NRF1: variants seen among roughly 807,000 people sequenced by gnomAD.
NRF1 encodes the protein alpha palindromic-binding protein.
A neutral mutation model predicts 58.5 loss-of-function variants in NRF1; 5 were observed. That is an observed-to-expected ratio of 0.09 (90% CI 0.04 to 0.18). The LOEUF (loss-of-function observed/expected upper bound fraction) is 0.18, where lower values mean the gene tolerates loss of function less well. NRF1 is among the 10% of genes least tolerant of loss of function. NRF1 has a pLI of 1.00. For missense variants in NRF1, 288 were observed against 657.7 expected, an observed-to-expected ratio of 0.44 and a Z score of 6.15; for synonymous variants, 224 against 246.7, an observed-to-expected ratio of 0.91 and a Z score of 0.86.
At chr7:129,681,503 C>G (rs1434882810) in intron 4 of NRF1, among the ~76,000 whole-genome samples, 6 of 151,998 alleles carry the variant, frequency 3.9e-5, no homozygotes, top group African/African-American at 1.4e-4. Flanking sequence ...TCAGACAAAG[C>G]CTAATTGTCA....
chr7:129,617,688 CAA>C (rs746121349), intron 1 of NRF1, among the ~76,000 whole-genome samples: 17 of 152,150 alleles, frequency 1.1e-4, no homozygotes, highest in Middle Eastern at 3.4e-3. Context: ...ATAGAGCAAA[CAA>C]AGAGTGGTGT....
At chr7:129,643,197 A>G (rs921277649) in intron 1 of NRF1, among the ~76,000 whole-genome samples, 2 of 152,166 alleles carry the variant, frequency 1.3e-5, no homozygotes, top group Non-Finnish European at 2.9e-5. Flanking sequence ...TAGTTCAGTT[A>G]TTTCAGAAGA....
chr7:129,719,160 T>G (rs907008606), intron 9 of NRF1, among the ~76,000 whole-genome samples: 10 of 152,044 alleles, frequency 6.6e-5, no homozygotes, highest in African/African-American at 2.4e-4. Flanking sequence ...GAAACGGATT[T>G]TCACTCTTGT....
intron 5 of NRF1, 63 bp from the exon 6 acceptor site, chr7:129,709,012 G>T: frequency 1.6e-6 from 2 of 1,268,876 alleles, no homozygotes; most frequent in South Asian, 2.7e-5. Context: ...TAGAATTTAA[G>T]GAGTCATAAA....
chr7:129,710,669 T>C, intron 7 of NRF1, 98 bp downstream of exon 7: 1 of 718,628 alleles, frequency 1.4e-6, no homozygotes, highest in Non-Finnish European at 2.5e-6. Flanking sequence ...CGAACTCTTG[T>C]ATGAACTTTA....
intron 1 of NRF1, among the ~76,000 whole-genome samples, chr7:129,656,583 G>T (rs1801661495): frequency 6.6e-6 from 1 of 151,642 alleles, no homozygotes; most frequent in Non-Finnish European, 1.5e-5. Context: ...GGGGGTGTTT[G>T]TTTGTTTTTG....
chr7:129,711,671 C>T (rs112484143), intron 8 of NRF1, 95 bp downstream of exon 8: 8 of 919,828 alleles, frequency 8.7e-6, no homozygotes, highest in Admixed American at 2.5e-5. Flanking sequence ...TGCATGTCTG[C>T]GGCACTCTTT....
At chr7:129,634,037 A>T (rs1475157273) in intron 1 of NRF1, among the ~76,000 whole-genome samples, 37 of 75,082 alleles carry the variant, frequency 4.9e-4, no homozygotes, top group Admixed American at 1.6e-3. Context: ...TTTAAAAAAA[A>T]AAAAAGATAT....
intron 4 of NRF1, among the ~76,000 whole-genome samples, chr7:129,686,703 A>G (rs1802450508): frequency 6.6e-6 from 1 of 152,256 alleles, no homozygotes; most frequent in African/African-American, 2.4e-5. Context: ...TTCAAATGGC[A>G]GTGGTATACA....
chr7:129,726,704 A>AT (rs201736584), intron 9 of NRF1, among the ~76,000 whole-genome samples: 2,777 of 152,366 alleles, frequency 0.018, 39 homozygotes, highest in Middle Eastern at 0.048. Context: ...TTTGAAAAGC[A>AT]TAACTATAAA....
intron 5 of NRF1, among the ~76,000 whole-genome samples, chr7:129,695,468 C>T (rs1261227863): frequency 5.9e-5 from 9 of 151,274 alleles, no homozygotes; most frequent in East Asian, 5.8e-4. Flanking sequence ...TCCAGCTACT[C>T]GGGAGGCTGA....
chr7:129,711,566 C>T lies in NRF1; in HGVS notation c.1055C>T (p.Ala352Val). The T allele has an allele frequency of 6.2e-7, 1 of 1,609,990 alleles. No homozygotes were observed. ...TVAQVNYSAV[A>V]DGEVEQNWAT... is the part of the protein sequence containing the mutation. ...GCCCAAGTGAATTATTCTGCCGTGG[C>T]TGATGGAGAGGTAAGAAAGAGATTC... Residue 352 changes from alanine to valine, a missense_variant, in exon 8 of 11, where the codon GCT (alanine) becomes GTT (valine). Transcript: ENST00000393232.
chr7:129,633,172 G>A (rs1421028177), intron 1 of NRF1, among the ~76,000 whole-genome samples: 1 of 152,166 alleles, frequency 6.6e-6, no homozygotes, highest in Non-Finnish European at 1.5e-5. Flanking sequence ...CTGGAAAGAG[G>A]CTGTATTACT....
intron 5 of NRF1, among the ~76,000 whole-genome samples, chr7:129,692,588 AAATT>A: frequency 6.6e-6 from 1 of 152,248 alleles, no homozygotes; most frequent in East Asian, 1.9e-4. Flanking sequence ...ATGAATGAAT[AAATT>A]TATTTATTTA....
intron 10 of NRF1, among the ~76,000 whole-genome samples, chr7:129,730,073 C>T (rs1803542613): frequency 6.6e-6 from 1 of 152,236 alleles, no homozygotes; most frequent in South Asian, 2.1e-4. Flanking sequence ...GATCCACCCA[C>T]CTCAGCCTCC....
intron 2 of NRF1, 23 bp downstream of exon 2, chr7:129,657,597 CTCT>C (rs755874234): frequency 1.4e-6 from 2 of 1,435,324 alleles, no homozygotes; most frequent in Admixed American, 4.2e-5. Context: ...GGATTAGAAG[CTCT>C]TCTTTAATTT....
chr7:129,727,138 GAGTC>G, intron 9 of NRF1, 99 bp from the exon 10 acceptor site: 3 of 1,224,036 alleles, frequency 2.5e-6, no homozygotes, highest in Non-Finnish European at 3.3e-6. Context: ...CACAACCATG[GAGTC>G]AGTAGAAAGA....
At chr7:129,622,318 T>C (rs568547996) in intron 1 of NRF1, among the ~76,000 whole-genome samples, 39 of 152,266 alleles carry the variant, frequency 2.6e-4, no homozygotes, top group Middle Eastern at 3.4e-3. Flanking sequence ...AAGTTACTTA[T>C]CTTTACTGGG....
At chr7:129,635,280 A>G (rs1007979429) in intron 1 of NRF1, among the ~76,000 whole-genome samples, 3 of 152,230 alleles carry the variant, frequency 2.0e-5, no homozygotes, top group African/African-American at 7.2e-5. Context: ...GGGCAACTGT[A>G]TAAAATGTTT....
Sources: allele counts gnomAD v4.1 joint callset (sites outside exome capture counted in the v4.1 genomes callset), GRCh38; gene constraint gnomAD v4.1.1; transcripts MANE v1.5; gene names NCBI Gene and HGNC (gene_info 2026-07-23, HGNC 2026-07-21).